Variants in CR1 observed in about 807,000 individuals in gnomAD.
CR1 encodes complement C3b/C4b receptor 1 (Knops blood group), also known as complement receptor type 1.
A neutral mutation model predicts 187.3 loss-of-function variants in CR1; 116 were observed. The ratio of observed to expected loss-of-function variants is 0.62; its 90% CI spans 0.53 to 0.72. CR1 has a LOEUF of 0.72. Ranked by LOEUF, CR1 falls within the 30% of genes least tolerant of loss-of-function variation. CR1 has a pLI of 0.00. For missense variants in CR1, 1,731 were observed against 2,110.7 expected (o/e 0.82, Z 3.52); for synonymous variants, 576 against 747.1 (o/e 0.77, Z 3.73).
At chr1:207,526,477 A>G (rs1268959029) in intron 5 of CR1, among the ~76,000 whole-genome samples, 1 of 150,892 alleles carries the variant, frequency 6.6e-6, no homozygotes, top group East Asian at 1.9e-4. Context: ...TTCTAGAAGG[A>G]ACTGTCCATT....
chr1:207,500,193 G>A (rs1659224220), intron 1 of CR1, among the ~76,000 whole-genome samples: 1 of 152,150 alleles, frequency 6.6e-6, no homozygotes. Context: ...TAATGATTGT[G>A]CTAAGTCATG....
At chr1:207,511,164 C>T (rs1659603273) in intron 3 of CR1, among the ~76,000 whole-genome samples, 1 of 152,098 alleles carries the variant, frequency 6.6e-6, no homozygotes, top group South Asian at 2.1e-4. Context: ...AAAAGCCCAT[C>T]CATGCATCCA....
intron 41 of CR1, among the ~76,000 whole-genome samples, chr1:207,617,610 TATAGAGAGAGAG>T (rs1308540012): frequency 5.1e-3 from 48 of 9,326 alleles, no homozygotes; most frequent in South Asian, 9.2e-3. Flanking sequence ...TATATATATA[TATAGAGAGAGAG>T]AGAGAGAGAG....
In CR1 at chr1:207,584,722, T is replaced by C. The variant is rs1335963886; in HGVS notation, c.5376T>C (p.Tyr1792=). 2 of 1,613,668 alleles carry C rather than the reference T, an allele frequency of 1.2e-6. No individual in the cohort carries two copies. The highest frequency in any genetic ancestry group is 1.3e-5 in the African/African-American group (1 of 74,914). ...GAACTCCCTCTGGAGATATTCCCTA[T>C]GGAAAAGAAATATCTTACACATGTG... ...HTGTPSGDIP[Y]GKEISYTCDP... is the part of the protein sequence containing the mutation. Residue 1792 remains tyrosine (Y), a synonymous_variant, in exon 33 of 47, where the codon TAT becomes TAC. Transcript: ENST00000367049.
chr1:207,523,559 G>C, intron 4 of CR1, 52 bp from the exon 5 acceptor site: 1 of 1,608,184 alleles, frequency 6.2e-7, no homozygotes, highest in Non-Finnish European at 8.5e-7. Context: ...TGAGATTTCT[G>C]TCATTCATTA....
intron 45 of CR1, among the ~76,000 whole-genome samples, chr1:207,628,010 A>C (rs1662532927): frequency 6.6e-6 from 1 of 152,254 alleles, no homozygotes; most frequent in East Asian, 1.9e-4. Flanking sequence ...CACCTTTGAG[A>C]TCCTATAGTA....
At chr1:207,523,324 T>C (rs889190959) in intron 4 of CR1, among the ~76,000 whole-genome samples, 1 of 152,210 alleles carries the variant, frequency 6.6e-6, no homozygotes, top group Non-Finnish European at 1.5e-5. Context: ...AGGAGAAAAC[T>C]GTATAAATAC....
chr1:207,609,353 C>G lies in CR1; in HGVS notation c.5960C>G (p.Ser1987Cys). The change falls in exon 37 of 47, where the codon TCT becomes TGT. Residue 1987 changes from serine to cysteine, a missense_variant. Coordinates refer to ENST00000367049, the MANE Select transcript of CR1 (RefSeq NM_000651.6). ...NGDFYSNNRT[S>C]FHNGTVVTYQ... ...GACTTCTACAGCAACAATAGAACATCTTTTCACAATGGAACGGTGGTAACT... is the reference window on the plus strand; with the variant it reads ...GACTTCTACAGCAACAATAGAACATGTTTTCACAATGGAACGGTGGTAACT... 1 of 1,613,976 alleles carries G rather than the reference C, an allele frequency of 6.2e-7. No homozygotes were observed. Among genetic ancestry groups the G allele is most frequent in the East Asian group, 2.2e-5 (1 of 44,882 alleles).
At chr1:207,604,965 G>A (rs1661704270) in intron 35 of CR1, among the ~76,000 whole-genome samples, 1 of 152,012 alleles carries the variant, frequency 6.6e-6, no homozygotes, top group Non-Finnish European at 1.5e-5. Context: ...TAATAATAAT[G>A]TGTATTTCCA....
chr1:207,525,266 A>G (rs1165239778), intron 5 of CR1, among the ~76,000 whole-genome samples: 3 of 151,600 alleles, frequency 2.0e-5, no homozygotes, highest in Non-Finnish European at 4.4e-5. Flanking sequence ...GCCAAATCAT[A>G]TCGCAGCTAA....
chr1:207,618,306 G>A (rs375686910), intron 42 of CR1, 59 bp downstream of exon 42: 46 of 1,499,106 alleles, frequency 3.1e-5, no homozygotes, highest in Middle Eastern at 4.0e-4. Context: ...CATGAGGCTT[G>A]TAAGGCTGAG....
At chr1:207,582,354 A>G (rs1660983451) in intron 32 of CR1, among the ~76,000 whole-genome samples, 1 of 152,226 alleles carries the variant, frequency 6.6e-6, no homozygotes, top group Non-Finnish European at 1.5e-5. Flanking sequence ...TCATCCATTT[A>G]GTCATATACT....
At chr1:207,504,191 C>T (rs1036883974) in intron 1 of CR1, among the ~76,000 whole-genome samples, 1 of 152,156 alleles carries the variant, frequency 6.6e-6, no homozygotes, top group African/African-American at 2.4e-5. Context: ...TGTCTTGGAA[C>T]ATGTCCCCCA....
intron 46 of CR1, among the ~76,000 whole-genome samples, chr1:207,632,300 A>T (rs557821899): frequency 6.6e-6 from 1 of 152,318 alleles, no homozygotes; most frequent in South Asian, 2.1e-4. Context: ...ATATGTATAC[A>T]CTGGGGGATA....
chr1:207,564,174 G>T lies in CR1; in HGVS notation c.3806G>T (p.Arg1269Leu). The T allele has an allele frequency of 6.3e-7, 1 of 1,585,436 alleles. No homozygotes were observed. The highest frequency in any genetic ancestry group is 8.5e-7 in the Non-Finnish European group (1 of 1,170,466). ...TTCATGGGCCAACTTCTTAATGGCC[G>T]TGTGCTATTTCCAGTAAATCTCCAG... The part of the protein sequence containing the change: ...DDFMGQLLNG[R>L]VLFPVNLQLG... Residue 1269 changes from arginine (R) to leucine (L), a missense_variant, in exon 23 of 47, where the codon CGT (arginine) becomes CTT (leucine). Physicochemically the swap from Arg to Leu is moderately radical, Grantham distance 102. Transcript: ENST00000367049.
chr1:207,583,316 G>T (rs772448724), intron 32 of CR1, among the ~76,000 whole-genome samples: 1 of 152,214 alleles, frequency 6.6e-6, no homozygotes, highest in Non-Finnish European at 1.5e-5. Flanking sequence ...TAGCAACTTG[G>T]AGGTAACAAG....
chr1:207,632,526 C>T (rs1640625424), intron 46 of CR1, among the ~76,000 whole-genome samples: 2 of 152,166 alleles, frequency 1.3e-5, no homozygotes, highest in Admixed American at 6.5e-5. Flanking sequence ...CTGTGGCTCA[C>T]GCCTGTAATC....
chr1:207,507,652 C>A (rs1201549553), intron 3 of CR1: 1 of 152,252 alleles, frequency 6.6e-6, no homozygotes, highest in Non-Finnish European at 1.5e-5. Context: ...AAGGGGGACA[C>A]AATTCTCATT....
intron 1 of CR1, among the ~76,000 whole-genome samples, chr1:207,500,176 T>A (rs1198857693): frequency 6.6e-6 from 1 of 152,376 alleles, no homozygotes; most frequent in African/African-American, 2.4e-5. Context: ...TCCCGTTAGA[T>A]GTTAGCTAAT....
Sources: gnomAD v4.1 joint callset for allele counts (sites outside exome capture counted in the v4.1 genomes callset) on GRCh38, gnomAD v4.1.1 for gene constraint, MANE v1.5 for transcripts, NCBI Gene and HGNC (gene_info 2026-07-23, HGNC 2026-07-21) for gene names.